Variants in CTCF observed in about 807,000 individuals in gnomAD.
CTCF encodes the protein transcriptional repressor CTCF.
CTCF carries 7 observed loss-of-function variants against 72.3 expected under a neutral mutation model. That is an observed-to-expected ratio of 0.10 (90% CI 0.06 to 0.18). CTCF has a LOEUF of 0.18. CTCF is among the 10% of genes least tolerant of loss of function. CTCF has a pLI of 1.00. For synonymous variants in CTCF, 374 were observed against 315.8 expected (o/e 1.18, Z -1.95); for missense variants, 516 against 949.1 (o/e 0.54, Z 6.00).
intron 2 of CTCF, among the ~76,000 whole-genome samples, chr16:67,575,782 C>T (rs1484714463): frequency 6.6e-6 from 1 of 151,808 alleles, no homozygotes; most frequent in African/African-American, 2.4e-5. Flanking sequence ...AACTGAACTT[C>T]GATGACCACC....
intron 2 of CTCF, among the ~76,000 whole-genome samples, chr16:67,596,165 G>A (rs2051812191): frequency 6.6e-6 from 1 of 152,082 alleles, no homozygotes; most frequent in Non-Finnish European, 1.5e-5. Context: ...TGTTGGTCAG[G>A]ATGGTCTCGA....
intron 2 of CTCF, among the ~76,000 whole-genome samples, chr16:67,596,493 G>A (rs964465490): frequency 6.6e-6 from 1 of 151,818 alleles, no homozygotes; most frequent in Admixed American, 6.6e-5. Context: ...TGTCATAGAT[G>A]TTGCAGATAT....
At chr16:67,617,455 C>T (rs757335267) in intron 5 of CTCF, among the ~76,000 whole-genome samples, 4 of 152,034 alleles carry the variant, frequency 2.6e-5, no homozygotes, top group African/African-American at 7.2e-5. Context: ...GCTGAAATCA[C>T]GCCACTGCAC....
chr16:67,597,959 G>A (rs968688481), intron 2 of CTCF, among the ~76,000 whole-genome samples: 18 of 151,838 alleles, frequency 1.2e-4, no homozygotes, highest in African/African-American at 4.4e-4. Context: ...GGGAAGGGTT[G>A]TTTTCTTTTT....
intron 2 of CTCF, among the ~76,000 whole-genome samples, chr16:67,602,919 A>G (rs1281599848): frequency 6.6e-6 from 1 of 152,008 alleles, no homozygotes; most frequent in African/African-American, 2.4e-5. Context: ...GCAAAATCTA[A>G]TTCTGTGGGT....
chr16:67,574,861 G>A (rs957228464), intron 2 of CTCF, among the ~76,000 whole-genome samples: 4 of 148,718 alleles, frequency 2.7e-5, no homozygotes, highest in Admixed American at 6.8e-5. Context: ...GTTTCACCTT[G>A]TCAGCCAGGA....
intron 1 of CTCF, among the ~76,000 whole-genome samples, chr16:67,569,063 A>G (rs765183635): frequency 1.3e-5 from 2 of 149,738 alleles, no homozygotes; most frequent in Non-Finnish European, 3.0e-5. Context: ...CTGGTCTTGA[A>G]CTCCTGACCT....
Position 67,579,249 on chromosome 16 carries a change from G to A in CTCF, c.-10+7985G>A, listed in dbSNP as rs539961804. 1.5e-3 allele frequency among the ~76,000 whole-genome samples: 231 copies of A among 151,986 alleles called. 2 individuals carry two copies. The highest frequency in any genetic ancestry group is 4.5e-3 in the Admixed American group (68 of 15,248). On this transcript the variant is annotated intron_variant, in intron 2 of 11. Transcript: ENST00000264010. Reference sequence around the variant, plus strand: ...GCCTGGGCAACAAGAGTGAAACTCCGTCTCAAAATAAATAAATAAATAATA... The same window carrying A: ...GCCTGGGCAACAAGAGTGAAACTCCATCTCAAAATAAATAAATAAATAATA...
At chr16:67,616,522 A>G (rs1348775668) in intron 4 of CTCF, 2 of 508,564 alleles carry the variant, frequency 3.9e-6, no homozygotes, top group Non-Finnish European at 7.1e-6. Flanking sequence ...TGGGTAATTA[A>G]GAGAAACTAA....
intron 2 of CTCF, among the ~76,000 whole-genome samples, chr16:67,581,288 C>G (rs1382740997): frequency 6.6e-6 from 1 of 151,420 alleles, no homozygotes; most frequent in East Asian, 1.9e-4. Flanking sequence ...TGTAACCTTG[C>G]TGCGTGTTGT....
chr16:67,611,330 G>C lies in CTCF; in HGVS notation c.498G>C (p.Val166=). Residue 166 remains valine, a synonymous_variant, in exon 3 of 12, where the codon GTG becomes GTC. Coordinates refer to ENST00000264010, the MANE Select transcript of CTCF (RefSeq NM_006565.4). ...HTLPLPEGFQ[V]VKVGANGEVE... ...TACCTTTGCCTGAAGGGTTTCAGGT[G>C]GTTAAAGTGGGGGCCAATGGAGAGG... The C allele has an allele frequency of 1.2e-6, 2 of 1,614,104 alleles. No homozygotes were observed. Among genetic ancestry groups the C allele is most frequent in the Non-Finnish European group, 1.7e-6 (2 of 1,180,006 alleles).
In CTCF at chr16:67,611,947, A is replaced by G. The variant is rs1254109620; in HGVS notation, c.782-4A>G. ...AGCAAGTAAGTGTTTTATTTTGCAC[A>G]TAGGTGTAAAGAAGACATTCCAGTG... On this transcript the variant is annotated splice_polypyrimidine_tract_variant and splice_region_variant and intron_variant, in intron 3 of 11. Coordinates refer to ENST00000264010, the MANE Select transcript of CTCF (RefSeq NM_006565.4). 14 of 1,613,438 alleles carry G rather than the reference A, an allele frequency of 8.7e-6. No individual in the cohort carries two copies. The highest frequency in any genetic ancestry group is 1.2e-5 in the Non-Finnish European group (14 of 1,179,468).
At position 67,611,193 on chromosome 16, in the gene CTCF, C is replaced by CCTGTGACTGTACCTGTTG; in HGVS notation, c.364_381dup (p.Val122_Ala127dup). On this transcript the variant is annotated inframe_insertion, in exon 3 of 12. Transcript: ENST00000264010. The stretch of plus-strand genomic sequence containing the variant: ...ACTTCAGCTTGTTCAAGTACCTGTT[C>CCTGTGACTGTACCTGTTG]CTGTGACTGTACCTGTTGCTACCAC... 2 of 1,614,164 alleles carry CCTGTGACTGTACCTGTTG rather than the reference C, an allele frequency of 1.2e-6. No individual in the cohort carries two copies. The highest frequency in any genetic ancestry group is 1.7e-6 in the Non-Finnish European group (2 of 1,180,028).
chr16:67,628,836 G>A (rs927586147), intron 9 of CTCF, among the ~76,000 whole-genome samples: 15 of 152,160 alleles, frequency 9.9e-5, no homozygotes, highest in Non-Finnish European at 2.9e-5. Context: ...CAAGGTGGGT[G>A]GATCACGAGG....
chr16:67,582,983 C>CTTT (rs550423023), intron 2 of CTCF, among the ~76,000 whole-genome samples: 4 of 136,036 alleles, frequency 2.9e-5, no homozygotes, highest in South Asian at 2.4e-4. Flanking sequence ...TCTTATTTTT[C>CTTT]TTTTTTTTTT....
intron 2 of CTCF, among the ~76,000 whole-genome samples, chr16:67,608,013 C>T (rs1185073255): frequency 5.8e-5 from 6 of 104,116 alleles, no homozygotes; most frequent in African/African-American, 1.3e-4. Flanking sequence ...TGCGAGACTC[C>T]GACTCAAAAA....
chr16:67,585,783 CTG>C (rs1253931344), intron 2 of CTCF, among the ~76,000 whole-genome samples: 1 of 151,994 alleles, frequency 6.6e-6, no homozygotes, highest in East Asian at 1.9e-4. Context: ...TTAGTATTTC[CTG>C]TGTTTTATCT....
chr16:67,599,162 C>T (rs551842458), intron 2 of CTCF, among the ~76,000 whole-genome samples: 17 of 152,196 alleles, frequency 1.1e-4, no homozygotes, highest in Middle Eastern at 3.4e-3. Context: ...TTTGGGAGGC[C>T]GAGGCTGGTG....
At chr16:67,629,562 C>T (rs1268100625) in intron 10 of CTCF, 29 bp downstream of exon 10, 1 of 1,608,194 alleles carries the variant, frequency 6.2e-7, no homozygotes, top group Non-Finnish European at 8.5e-7. Context: ...GATTTGCTTA[C>T]TATGGCAGGC....
Sources: allele counts gnomAD v4.1 joint callset (sites outside exome capture counted in the v4.1 genomes callset), GRCh38; gene constraint gnomAD v4.1.1; transcripts MANE v1.5; gene names NCBI Gene and HGNC (gene_info 2026-07-23, HGNC 2026-07-21).